Variants in TMEM87B observed in about 807,000 individuals in gnomAD.
TMEM87B encodes the protein transmembrane protein 87B.
Under a neutral mutation model 80.3 loss-of-function variants are expected in TMEM87B, and 83 were observed. That is an observed-to-expected ratio of 1.03 (90% CI 0.87 to 1.24). The LOEUF is 1.24. TMEM87B is among the 50% of genes most tolerant of loss of function. The pLI, the probability that TMEM87B is intolerant of heterozygous loss-of-function variation, is 0.00. For synonymous variants in TMEM87B, 219 were observed against 230.5 expected, an observed-to-expected ratio of 0.95 and a Z score of 0.45; for missense variants, 625 against 674.4, an observed-to-expected ratio of 0.93 and a Z score of 0.81.
chr2:112,112,110 G>A (rs1440937969), intron 17 of TMEM87B, among the ~76,000 whole-genome samples: 2 of 152,180 alleles, frequency 1.3e-5, no homozygotes, highest in African/African-American at 4.8e-5. Context: ...GGACCGCACT[G>A]TAGGTAGCAT....
chr2:112,112,886 C>A lies in TMEM87B; in HGVS notation c.1578-13C>A. 2 of 1,610,906 alleles carry A rather than the reference C, an allele frequency of 1.2e-6. No homozygotes were observed. Among genetic ancestry groups the A allele is most frequent in the Non-Finnish European group, 1.7e-6 (2 of 1,178,470 alleles). On this transcript the variant is annotated splice_polypyrimidine_tract_variant and intron_variant, in intron 17 of 18. Coordinates refer to ENST00000283206, the MANE Select transcript of TMEM87B (RefSeq NM_032824.3). ...TTAACAACATTATCACCTTTTTTTC[C>A]CTTTTATTTCAGAGCTCTTCCAGTG... is the stretch of plus-strand genomic sequence containing the variant.
rs547046946 is a variant in TMEM87B, at chr2:112,078,285, G to A, written c.592+1003G>A. ...TCCCCACAGTTCTTGAGGCTGCGAT[G>A]TCTAAGATCAAGGTGCCACCAAGTT... On this transcript the variant is annotated intron_variant, in intron 6 of 18. Transcript: ENST00000283206. Among the ~76,000 whole-genome samples the A allele has an allele frequency of 8.9e-4, 135 of 152,340 alleles. 2 individuals carry two copies. The highest frequency in any genetic ancestry group is 3.2e-3 in the African/African-American group (131 of 41,578).
At chr2:112,087,736 C>T (rs1573708976) in intron 9 of TMEM87B, among the ~76,000 whole-genome samples, 1 of 152,190 alleles carries the variant, frequency 6.6e-6, no homozygotes, top group Non-Finnish European at 1.5e-5. Context: ...CTCTCCTCCA[C>T]TTCTGCCTCA....
At chr2:112,100,062 A>G (rs958369759) in intron 14 of TMEM87B, among the ~76,000 whole-genome samples, 5 of 152,198 alleles carry the variant, frequency 3.3e-5, no homozygotes, top group African/African-American at 4.8e-5. Context: ...GCTATTATCA[A>G]TAATGTTTTC....
chr2:112,068,573 G>A (rs762793693), intron 4 of TMEM87B, among the ~76,000 whole-genome samples: 68 of 151,610 alleles, frequency 4.5e-4, no homozygotes, highest in Non-Finnish European at 8.8e-4. Flanking sequence ...GCGTGGTGGC[G>A]GGCACCTGTA....
chr2:112,100,592 T>G (rs376210568), intron 14 of TMEM87B, 30 bp from the exon 15 acceptor site: 3 of 1,442,088 alleles, frequency 2.1e-6, no homozygotes, highest in South Asian at 1.2e-5. Context: ...TTAAACATAC[T>G]AGTAAAACTA....
intron 3 of TMEM87B, among the ~76,000 whole-genome samples, chr2:112,066,670 A>G (rs1678446352): frequency 1.3e-5 from 2 of 152,218 alleles, no homozygotes; most frequent in South Asian, 4.1e-4. Context: ...TCATTGTAGT[A>G]TCTTAGTCAG....
chr2:112,115,431 GAAA>G (rs1283374469), intron 18 of TMEM87B, among the ~76,000 whole-genome samples: 128 of 142,464 alleles, frequency 9.0e-4, no homozygotes, highest in African/African-American at 2.3e-3. Flanking sequence ...TAGCATTACA[GAAA>G]GATTCATAAC....
intron 1 of TMEM87B, 103 bp from the exon 2 acceptor site, chr2:112,059,874 C>CA: frequency 7.3e-7 from 1 of 1,376,220 alleles, no homozygotes; most frequent in African/African-American, 1.5e-5. Context: ...ATACTCTTGT[C>CA]AGAGAGAGGA....
intron 6 of TMEM87B, 31 bp downstream of exon 6, chr2:112,077,313 C>A: frequency 1.7e-6 from 2 of 1,191,966 alleles, no homozygotes; most frequent in Non-Finnish European, 2.4e-6. Flanking sequence ...TGTTTACTGT[C>A]TGCATTTTCT....
chr2:112,077,229 T>C lies in TMEM87B; in HGVS notation c.539T>C (p.Ile180Thr). The change falls in exon 6 of 19, where the codon ATC becomes ACC. Residue 180 changes from isoleucine to threonine, a missense_variant. Coordinates refer to ENST00000283206, the MANE Select transcript of TMEM87B (RefSeq NM_032824.3). ...AGAACACAAAAAGATGGGTTTCATATCTTTATTGTTTCTATTAAAACGGAG... is the reference window on the plus strand; with the variant it reads ...AGAACACAAAAAGATGGGTTTCATACCTTTATTGTTTCTATTAAAACGGAG... ...VARTQKDGFHIFIVSIKTENT... is the reference protein window; with the variant it reads ...VARTQKDGFHTFIVSIKTENT... The C allele has an allele frequency of 6.3e-7, 1 of 1,598,022 alleles. No individual in the cohort carries two copies.
chr2:112,102,733 TAAAAG>T (rs374067639), intron 15 of TMEM87B, among the ~76,000 whole-genome samples: 4 of 150,904 alleles, frequency 2.7e-5, no homozygotes, highest in South Asian at 2.1e-4. Context: ...ATAGTACAAA[TAAAAG>T]AAGAAAGAAG....
intron 13 of TMEM87B, among the ~76,000 whole-genome samples, chr2:112,097,712 C>CAAAAAA (rs68175814): frequency 1.4e-4 from 8 of 57,232 alleles, no homozygotes; most frequent in South Asian, 8.7e-4. Flanking sequence ...GACTCCATCT[C>CAAAAAA]AAAAAAAAAA....
In TMEM87B at chr2:112,081,331, A is replaced by G. The variant is rs371298855; in HGVS notation, c.655-4A>G. The G allele has an allele frequency of 1.6e-4, 253 of 1,585,704 alleles. No individual in the cohort carries two copies. The highest frequency in any genetic ancestry group is 4.2e-4 in the African/African-American group (31 of 73,336). ...ACTGACTAAAATTGCTTCTCTTCCT[A>G]CAGTTTTACATGGTGATGTGTATTG... On this transcript the variant is annotated splice_polypyrimidine_tract_variant and splice_region_variant and intron_variant, in intron 7 of 18. Coordinates refer to ENST00000283206, the MANE Select transcript of TMEM87B (RefSeq NM_032824.3).
At chr2:112,106,952 GATAGACAGAC>G (rs1228095521) in intron 16 of TMEM87B, among the ~76,000 whole-genome samples, 1 of 152,164 alleles carries the variant, frequency 6.6e-6, no homozygotes, top group Non-Finnish European at 1.5e-5. Context: ...AGTTAGATAA[GATAGACAGAC>G]ATAGACAGAT....
intron 2 of TMEM87B, among the ~76,000 whole-genome samples, chr2:112,061,564 T>A (rs1343921185): frequency 6.6e-6 from 1 of 152,056 alleles, no homozygotes; most frequent in Admixed American, 6.6e-5. Context: ...GAGAAAAAAA[T>A]TTTGGCATCT....
intron 2 of TMEM87B, among the ~76,000 whole-genome samples, chr2:112,062,866 C>CA (rs1678297866): frequency 6.6e-6 from 1 of 152,152 alleles, no homozygotes; most frequent in South Asian, 2.1e-4. Flanking sequence ...AGTGGAAACT[C>CA]AAACAGTTCC....
At chr2:112,115,457 G>C (rs28437819) in intron 18 of TMEM87B, among the ~76,000 whole-genome samples, 15 of 34,922 alleles carry the variant, frequency 4.3e-4, no homozygotes, top group African/African-American at 6.8e-4. Flanking sequence ...TACAGAAAGA[G>C]GTAGCATTAC....
intron 17 of TMEM87B, among the ~76,000 whole-genome samples, chr2:112,110,520 T>C: frequency 6.6e-6 from 1 of 152,256 alleles, no homozygotes; most frequent in Middle Eastern, 3.4e-3. Context: ...TTGATTTTCA[T>C]TTTCCTTCTT....
Sources: allele counts gnomAD v4.1 joint callset (sites outside exome capture counted in the v4.1 genomes callset), GRCh38; gene constraint gnomAD v4.1.1; transcripts MANE v1.5; gene names NCBI Gene and HGNC (gene_info 2026-07-23, HGNC 2026-07-21).